Variants in EXOC6B observed in about 807,000 individuals in gnomAD.
The protein encoded by EXOC6B is SEC15 homolog B.
Under a neutral mutation model 113.5 loss-of-function variants are expected in EXOC6B, and 54 were observed. The observed-to-expected ratio is 0.48, with a 90% CI of 0.38 to 0.60. EXOC6B has a LOEUF of 0.60. Ranked by LOEUF, EXOC6B falls within the 20% of genes least tolerant of loss-of-function variation. EXOC6B has a pLI of 0.00. For missense variants in EXOC6B, 797 were observed against 977.5 expected (o/e 0.82, Z 2.46); for synonymous variants, 357 against 339.0 (o/e 1.05, Z -0.58).
At chr2:72,434,960 T>C (rs1017956739) in intron 18 of EXOC6B, among the ~76,000 whole-genome samples, 2 of 152,160 alleles carry the variant, frequency 1.3e-5, no homozygotes, top group Admixed American at 1.3e-4. Flanking sequence ...TTTGAATGTG[T>C]TTGCTCTTAC....
intron 18 of EXOC6B, among the ~76,000 whole-genome samples, chr2:72,409,919 T>C (rs1396761800): frequency 1.3e-5 from 2 of 152,114 alleles, no homozygotes; most frequent in Non-Finnish European, 2.9e-5. Context: ...TATAGACATG[T>C]TCTGCTCCCT....
At chr2:72,279,624 A>G (rs1685009099) in intron 20 of EXOC6B, among the ~76,000 whole-genome samples, 1 of 152,042 alleles carries the variant, frequency 6.6e-6, no homozygotes, top group Non-Finnish European at 1.5e-5. Flanking sequence ...TTTCTTTTTT[A>G]TGTTTTTGAG....
intron 8 of EXOC6B, among the ~76,000 whole-genome samples, chr2:72,527,926 T>C (rs1249037565): frequency 6.6e-6 from 1 of 152,016 alleles, no homozygotes; most frequent in Non-Finnish European, 1.5e-5. Flanking sequence ...AAAGTATTTA[T>C]ATATTCTAGA....
chr2:72,669,906 T>C (rs533059525), intron 6 of EXOC6B, among the ~76,000 whole-genome samples: 1 of 152,352 alleles, frequency 6.6e-6, no homozygotes. Context: ...AATGCTTGAA[T>C]TAGTTACCTG....
At chr2:72,335,885 C>T (rs1169548385) in intron 19 of EXOC6B, among the ~76,000 whole-genome samples, 1 of 152,100 alleles carries the variant, frequency 6.6e-6, no homozygotes, top group Non-Finnish European at 1.5e-5. Context: ...GTTTATGACT[C>T]TGGCTTCTAT....
intron 16 of EXOC6B, among the ~76,000 whole-genome samples, chr2:72,481,626 G>C (rs1699102206): frequency 6.6e-6 from 1 of 151,996 alleles, no homozygotes; most frequent in African/African-American, 2.4e-5. Flanking sequence ...AAGTAACCAG[G>C]GAATTAATGA....
intron 20 of EXOC6B, among the ~76,000 whole-genome samples, chr2:72,233,729 A>C (rs984670970): frequency 4.6e-5 from 7 of 152,080 alleles, no homozygotes; most frequent in African/African-American, 1.7e-4. Flanking sequence ...ACCCTCACTA[A>C]ATGCGGCTTC....
intron 20 of EXOC6B, among the ~76,000 whole-genome samples, chr2:72,256,592 G>A (rs1171386270): frequency 6.6e-6 from 1 of 152,146 alleles, no homozygotes; most frequent in Non-Finnish European, 1.5e-5. Context: ...GAGGTAATGA[G>A]TACAGGTTAA....
chr2:72,614,960 G>GACT (rs1050851884), intron 6 of EXOC6B, among the ~76,000 whole-genome samples: 3 of 152,018 alleles, frequency 2.0e-5, no homozygotes, highest in African/African-American at 7.2e-5. Context: ...AGCTCCAACA[G>GACT]ACTACACCAT....
At chr2:72,712,483 T>C (rs1481746787) in intron 6 of EXOC6B, among the ~76,000 whole-genome samples, 1 of 152,130 alleles carries the variant, frequency 6.6e-6, no homozygotes, top group Admixed American at 6.6e-5. Flanking sequence ...GCTATTAAGG[T>C]TGTTGGCAGA....
chr2:72,672,559 A>AAAAG (rs1553464317), intron 6 of EXOC6B, among the ~76,000 whole-genome samples: 20 of 149,972 alleles, frequency 1.3e-4, no homozygotes, highest in African/African-American at 3.5e-4. Context: ...AAAAAAAAAA[A>AAAAG]AAAAAGAAAA....
intron 20 of EXOC6B, among the ~76,000 whole-genome samples, chr2:72,224,261 C>T (rs1681058464): frequency 1.3e-5 from 2 of 152,118 alleles, no homozygotes; most frequent in South Asian, 4.1e-4. Flanking sequence ...GTAAAATCAG[C>T]ATACTCCTCC....
At chr2:72,310,850 A>AAT (rs759804146) in intron 20 of EXOC6B, among the ~76,000 whole-genome samples, 1,422 of 120,348 alleles carry the variant, frequency 0.012, 23 homozygotes, top group African/African-American at 0.053. Flanking sequence ...TATTTCATTT[A>AAT]ACACACACAC....
intron 6 of EXOC6B, among the ~76,000 whole-genome samples, chr2:72,640,573 CAA>C (rs753057494): frequency 4.6e-5 from 7 of 152,056 alleles, no homozygotes; most frequent in Non-Finnish European, 8.8e-5. Context: ...TCAGATTCTC[CAA>C]GGTTGAAATG....
At chr2:72,735,821 C>T (rs554865289) in intron 2 of EXOC6B, among the ~76,000 whole-genome samples, 2 of 151,364 alleles carry the variant, frequency 1.3e-5, no homozygotes, top group African/African-American at 2.4e-5. Flanking sequence ...GGCAAAAGAG[C>T]GAAACTCCAT....
chr2:72,351,830 G>A (rs1689669319), intron 19 of EXOC6B, among the ~76,000 whole-genome samples: 1 of 152,054 alleles, frequency 6.6e-6, no homozygotes, highest in Non-Finnish European at 1.5e-5. Flanking sequence ...AGTGTTCTTA[G>A]AATAAAGTAT....
intron 20 of EXOC6B, among the ~76,000 whole-genome samples, chr2:72,218,444 G>A (rs78815296): frequency 0.049 from 7,410 of 152,230 alleles, 577 homozygotes; most frequent in African/African-American, 0.17. Context: ...GTGCATGTGT[G>A]CATATGTATA....
intron 1 of EXOC6B, among the ~76,000 whole-genome samples, chr2:72,812,004 CT>C (rs1685951141): frequency 1.3e-5 from 2 of 152,178 alleles, no homozygotes; most frequent in Non-Finnish European, 2.9e-5. Context: ...AAGATATCCA[CT>C]TTTACCAGTC....
intron 1 of EXOC6B, among the ~76,000 whole-genome samples, chr2:72,785,361 G>T (rs1203312451): frequency 6.6e-6 from 1 of 152,252 alleles, no homozygotes; most frequent in Non-Finnish European, 1.5e-5. Flanking sequence ...CCACTAGGCA[G>T]TGCCCCAGTA....
Sources: allele counts gnomAD v4.1 joint callset (sites outside exome capture counted in the v4.1 genomes callset), GRCh38; gene constraint gnomAD v4.1.1; transcripts MANE v1.5; gene names NCBI Gene and HGNC (gene_info 2026-07-23, HGNC 2026-07-21).